EVL: variants seen among roughly 807,000 people sequenced by gnomAD.
The protein encoded by EVL is ena/VASP-like protein.
EVL carries 21 observed loss-of-function variants against 59.6 expected under a neutral mutation model. The ratio of observed to expected loss-of-function variants is 0.35; its 90% CI spans 0.25 to 0.51. EVL has a LOEUF of 0.51. Among genes scored for constraint, EVL ranks in the 20% least tolerant of loss-of-function variants. EVL has a pLI of 0.97. For synonymous variants in EVL, 198 were observed against 203.5 expected, an observed-to-expected ratio of 0.97 and a Z score of 0.23; for missense variants, 462 against 546.6, an observed-to-expected ratio of 0.85 and a Z score of 1.54.
chr14:100,133,035 G>A (rs529256148), intron 8 of EVL, among the ~76,000 whole-genome samples: 1 of 152,264 alleles, frequency 6.6e-6, no homozygotes, highest in Non-Finnish European at 1.5e-5. Flanking sequence ...GGCGCTGGCC[G>A]CTGCACCGCA....
At chr14:100,128,833 T>G in intron 6 of EVL, 85 bp downstream of exon 6, 1 of 1,220,180 alleles carries the variant, frequency 8.2e-7, no homozygotes, top group Non-Finnish European at 1.2e-6. Flanking sequence ...TTCCCGCATC[T>G]GCGAGACACA....
intron 13 of EVL, 47 bp from the exon 14 acceptor site, chr14:100,143,654 C>T: frequency 6.4e-7 from 1 of 1,564,356 alleles, no homozygotes; most frequent in Non-Finnish European, 8.5e-7. Context: ...AGGAACCGGG[C>T]TGCACTGGTC....
intron 1 of EVL, among the ~76,000 whole-genome samples, chr14:100,004,864 AT>A (rs978054216): frequency 1.3e-5 from 2 of 152,140 alleles, no homozygotes; most frequent in South Asian, 2.1e-4. Flanking sequence ...GGACACATGT[AT>A]TTTTTTAGAA....
At position 100,065,721 on chromosome 14, in the gene EVL, G is replaced by C. The variant is rs79145860; in HGVS notation, c.11+210G>C. Among the ~76,000 whole-genome samples the C allele has an allele frequency of 2.5e-3, 387 of 152,238 alleles. 16 individuals carry two copies. In the East Asian group the frequency reaches 0.056, roughly 22 times the overall value. Reference sequence around the variant, plus strand: ...AGCCGCTGGTCTTTCCATTACACAGGCCTGTGTCTCTTGATGCCTGTGACC... The same window carrying C: ...AGCCGCTGGTCTTTCCATTACACAGCCCTGTGTCTCTTGATGCCTGTGACC... On this transcript the variant is annotated intron_variant, in intron 1 of 13. Coordinates refer to ENST00000392920, the MANE Select transcript of EVL (RefSeq NM_016337.3).
chr14:99,990,902 GA>G (rs2060871453), intron 1 of EVL, among the ~76,000 whole-genome samples: 3 of 152,164 alleles, frequency 2.0e-5, no homozygotes, highest in Admixed American at 1.3e-4. Flanking sequence ...TATAGAGAGA[GA>G]GGGGGTGTGT....
intron 1 of EVL, among the ~76,000 whole-genome samples, chr14:100,008,924 A>G (rs1413065247): frequency 6.6e-6 from 1 of 152,224 alleles, no homozygotes; most frequent in East Asian, 1.9e-4. Flanking sequence ...AGATGAGGGA[A>G]AAAACACTGC....
At chr14:100,087,278 G>T (rs1161391222) in intron 2 of EVL, among the ~76,000 whole-genome samples, 2 of 152,174 alleles carry the variant, frequency 1.3e-5, no homozygotes, top group Non-Finnish European at 2.9e-5. Context: ...TACATTCAGG[G>T]TGACAAACCT....
At chr14:100,137,909 C>A (rs770061190) in intron 11 of EVL, 107 bp downstream of exon 11, 72 of 1,149,614 alleles carry the variant, frequency 6.3e-5, no homozygotes, top group Non-Finnish European at 9.2e-5. Flanking sequence ...TGGCATTTAA[C>A]AACTTGCTCT....
chr14:100,125,577 A>T (rs1443783906), intron 4 of EVL, among the ~76,000 whole-genome samples: 3 of 147,614 alleles, frequency 2.0e-5, no homozygotes, highest in Non-Finnish European at 4.5e-5. Context: ...TTTTTTTGAG[A>T]TGGAGTCTTG....
intron 7 of EVL, among the ~76,000 whole-genome samples, chr14:100,131,580 C>T (rs1888439165): frequency 2.0e-5 from 3 of 152,202 alleles, no homozygotes; most frequent in Admixed American, 1.3e-4. Context: ...ACTCATCCCG[C>T]CTACACTCCC....
chr14:99,982,125 C>G lies in EVL; in HGVS notation c.5+10068C>G, dbSNP rs529989685. On this transcript the variant is annotated intron_variant, in intron 1 of 13. Coordinates refer to the EVL transcript ENST00000402714. Reference sequence around the variant, plus strand: ...AATACAGATAAGCATTGATCCTGCTCTTTACAGATAACCACATCAAACCTG... The same window carrying G: ...AATACAGATAAGCATTGATCCTGCTGTTTACAGATAACCACATCAAACCTG... Among the ~76,000 whole-genome samples the G allele has an allele frequency of 3.9e-5, 6 of 152,306 alleles. No individual in the cohort carries two copies. In the South Asian group the frequency reaches 1.0e-3, roughly 26 times the overall value.
intron 1 of EVL, chr14:100,019,308 G>A (rs1203763001): frequency 2.5e-5 from 6 of 241,044 alleles, no homozygotes; most frequent in South Asian, 2.5e-4. Context: ...TCTGGTAGGG[G>A]GTGGGATGTG....
intron 1 of EVL, among the ~76,000 whole-genome samples, chr14:100,048,362 T>C (rs1022683373): frequency 6.6e-6 from 1 of 152,192 alleles, no homozygotes; most frequent in African/African-American, 2.4e-5. Flanking sequence ...AAAGAGGATA[T>C]ACAGATGGCA....
At chr14:99,971,585 A>G (rs2140162751) in exon 1 of EVL, 1 of 151,438 alleles carries the variant, frequency 6.6e-6, no homozygotes, top group South Asian at 2.1e-4. Flanking sequence ...CGCGTACCCT[A>G]GCTCTTGGCT....
At chr14:100,131,148 C>G (rs1245800890) in intron 7 of EVL, among the ~76,000 whole-genome samples, 1 of 152,140 alleles carries the variant, frequency 6.6e-6, no homozygotes, top group East Asian at 1.9e-4. Context: ...CGGGTTCCAC[C>G]TCAGAGCACT....
At chr14:100,141,420 GC>G (rs1347932823) in intron 12 of EVL, among the ~76,000 whole-genome samples, 174 bp downstream of exon 12, 2 of 152,192 alleles carry the variant, frequency 1.3e-5, no homozygotes, top group Non-Finnish European at 2.9e-5. Context: ...TTTGTCCCCA[GC>G]CCCTGCCATC....
chr14:100,064,739 C>T (rs1309871935), upstream of EVL, among the ~76,000 whole-genome samples: 1 of 152,138 alleles, frequency 6.6e-6, no homozygotes, highest in Non-Finnish European at 1.5e-5. Context: ...GGAGAAACCC[C>T]GTCTCTACTA....
chr14:99,989,419 G>C (rs1166380205), intron 1 of EVL, among the ~76,000 whole-genome samples: 1 of 151,948 alleles, frequency 6.6e-6, no homozygotes, highest in Non-Finnish European at 1.5e-5. Flanking sequence ...GTGCTTTGTT[G>C]TTAGTACTCA....
In EVL at chr14:100,108,286, G is replaced by A. The variant is rs367673254; in HGVS notation, c.358+10628G>A. ...AAACCTCATAGCTCTTGGAGGTGGGGCTGAATTTTGCTTCTTGTAAACCTC... is the reference window on the plus strand; with the variant it reads ...AAACCTCATAGCTCTTGGAGGTGGGACTGAATTTTGCTTCTTGTAAACCTC... On this transcript the variant is annotated intron_variant, in intron 3 of 13. Coordinates refer to ENST00000392920, the MANE Select transcript of EVL (RefSeq NM_016337.3). The surrounding 1 kb of genome is among the most constrained non-coding windows in gnomAD (Gnocchi z 4.1). Among the ~76,000 whole-genome samples, 23 of 152,246 alleles carry A rather than the reference G, an allele frequency of 1.5e-4. 1 individual carries two copies. In the East Asian group the frequency reaches 2.5e-3, roughly 17 times the overall value.
Sources: allele counts gnomAD v4.1 joint callset (sites outside exome capture counted in the v4.1 genomes callset), GRCh38; gene constraint gnomAD v4.1.1; non-coding constraint Gnocchi (gnomAD v3.1); transcripts MANE v1.5; gene names NCBI Gene and HGNC (gene_info 2026-07-23, HGNC 2026-07-21).